The following STRN3 variants were observed in gnomAD, a reference collection of about 807,000 sequenced individuals.
STRN3 encodes the protein striatin 3.
In STRN3, 29 loss-of-function variants were observed where a neutral mutation model predicts 95.6. That is an observed-to-expected ratio of 0.30 (90% confidence interval 0.23 to 0.41). The LOEUF is 0.41. STRN3 is among the 10% of genes least tolerant of loss of function. The probability of loss-of-function intolerance (pLI) is 1.00; values close to 1 mark genes in which losing one functional copy is unlikely to be tolerated. For synonymous variants in STRN3, 331 were observed against 357.6 expected, an observed-to-expected ratio of 0.93 and a Z score of 0.84; for missense variants, 890 against 972.1, an observed-to-expected ratio of 0.92 and a Z score of 1.12.
intron 1 of STRN3, among the ~76,000 whole-genome samples, chr14:30,998,326 G>C (rs955555390): frequency 1.7e-4 from 26 of 152,280 alleles, no homozygotes; most frequent in African/African-American, 5.5e-4. Flanking sequence ...GATAATATTT[G>C]AGGCAAACAA....
intron 1 of STRN3, among the ~76,000 whole-genome samples, chr14:30,968,645 C>A (rs976340987): frequency 6.8e-6 from 1 of 147,732 alleles, no homozygotes; most frequent in African/African-American, 2.5e-5. Context: ...CACCACCGCA[C>A]TCCAGCCTGG....
intron 1 of STRN3, among the ~76,000 whole-genome samples, chr14:30,956,682 A>T (rs1451857285): frequency 6.6e-6 from 1 of 152,220 alleles, no homozygotes; most frequent in Non-Finnish European, 1.5e-5. Flanking sequence ...TAAGATCCCT[A>T]ATATTAATAT....
chr14:30,906,477 G>T (rs1040201740), intron 14 of STRN3, among the ~76,000 whole-genome samples: 1 of 152,058 alleles, frequency 6.6e-6, no homozygotes, highest in African/African-American at 2.4e-5. Flanking sequence ...CAGTGACTAT[G>T]GCTGGACTAC....
intron 5 of STRN3, among the ~76,000 whole-genome samples, chr14:30,946,483 G>A (rs1293274382): frequency 2.0e-5 from 3 of 152,168 alleles, no homozygotes; most frequent in Non-Finnish European, 4.4e-5. Flanking sequence ...GTCAGAGGCT[G>A]CCATGAGCCG....
rs756027470 is a variant in STRN3, at chr14:30,906,894, G to C, written c.1871C>G (p.Thr624Ser). The part of the protein sequence containing the change: ...NPQEKLPCIC[T>S]YNGDKKHGIP... ...TTACTTACTTTTATCTCCATTGTAA[G>C]TGCAAATACATGGCAATTTTTCTTG... is the stretch of plus-strand genomic sequence containing the variant. The change falls in exon 14 of 18, where the codon ACT becomes AGT. Residue 624 changes from threonine to serine, a missense_variant. Thr to Ser is a moderately conservative substitution (Grantham distance 58). Transcript: ENST00000357479. 6.2e-7 allele frequency: 1 copy of C among 1,611,754 alleles called. No homozygotes were observed. The highest frequency in any genetic ancestry group is 1.1e-5 in the South Asian group (1 of 90,480).
chr14:30,958,105 G>GAA (rs1289857222), intron 1 of STRN3, among the ~76,000 whole-genome samples: 2 of 152,168 alleles, frequency 1.3e-5, no homozygotes, highest in East Asian at 3.9e-4. Flanking sequence ...AACAGCTACA[G>GAA]AGTTCATGAC....
At chr14:31,003,020 T>C (rs1200868794) in intron 1 of STRN3, among the ~76,000 whole-genome samples, 1 of 151,986 alleles carries the variant, frequency 6.6e-6, no homozygotes, top group Non-Finnish European at 1.5e-5. Flanking sequence ...TCCCAGCACT[T>C]TGGGAGGCCG....
At chr14:30,919,228 G>A (rs993897855) in intron 8 of STRN3, 122 bp from the exon 9 acceptor site, 1 of 1,028,712 alleles carries the variant, frequency 9.7e-7, no homozygotes, top group Non-Finnish European at 1.4e-6. Flanking sequence ...TAAAATATCA[G>A]AAAATTAAAG....
chr14:30,898,866 T>A (rs775099984), intron 16 of STRN3, among the ~76,000 whole-genome samples: 13 of 152,228 alleles, frequency 8.5e-5, no homozygotes, highest in Non-Finnish European at 1.8e-4. Context: ...TGTGGGCCTC[T>A]ATTAAATGGA....
At chr14:30,924,218 A>C (rs985101558) in intron 8 of STRN3, among the ~76,000 whole-genome samples, 26 of 71,388 alleles carry the variant, frequency 3.6e-4, no homozygotes, top group Admixed American at 9.7e-4. Flanking sequence ...TACTCAAAAA[A>C]AAAAAAACAA....
rs769104715 is a variant in STRN3, at chr14:30,919,078, C to G, written c.1128G>C (p.Met376Ile). The change falls in exon 9 of 18, where the codon ATG becomes ATC. Residue 376 changes from methionine (M) to isoleucine (I), a missense_variant. By Grantham distance (10) the Met-to-Ile change is conservative (BLOSUM62 1). Coordinates refer to ENST00000357479, the MANE Select transcript of STRN3 (RefSeq NM_001083893.2). The part of the protein sequence containing the change: ...KRANRTKLYD[M>I]IADLGDDELP... ...GCTCATCATCTCCCAGATCAGCTAT[C>G]ATGTCGTAGAGTTTTGTCCTGTTGG... 1 of 1,610,228 alleles carries G rather than the reference C, an allele frequency of 6.2e-7. No individual in the cohort carries two copies. Among genetic ancestry groups the G allele is most frequent in the Admixed American group, 1.7e-5 (1 of 59,804 alleles).
chr14:31,004,078 A>G (rs1404139830), intron 1 of STRN3, among the ~76,000 whole-genome samples: 1 of 152,000 alleles, frequency 6.6e-6, no homozygotes, highest in Non-Finnish European at 1.5e-5. Flanking sequence ...GAGCCCAAGC[A>G]TTCGAGACCA....
At chr14:30,932,286 T>C (rs775579007) in intron 7 of STRN3, 1 of 151,704 alleles carries the variant, frequency 6.6e-6, no homozygotes, top group South Asian at 2.1e-4. Context: ...AAAAAAAAAA[T>C]CTGAAAGCTA....
chr14:30,904,259 CAA>C (rs1226905810), intron 15 of STRN3, among the ~76,000 whole-genome samples: 2 of 152,094 alleles, frequency 1.3e-5, no homozygotes, highest in Non-Finnish European at 2.9e-5. Flanking sequence ...CAACAACAAC[CAA>C]AGTCATGGCA....
At chr14:30,957,925 T>G (rs112706605) in intron 1 of STRN3, among the ~76,000 whole-genome samples, 32 of 152,336 alleles carry the variant, frequency 2.1e-4, no homozygotes, top group Non-Finnish European at 4.0e-4. Context: ...ACTTTAGTTA[T>G]GATGTGTTCA....
intron 1 of STRN3, among the ~76,000 whole-genome samples, chr14:31,002,771 G>A (rs1882528391): frequency 2.0e-5 from 3 of 152,118 alleles, no homozygotes; most frequent in South Asian, 2.1e-4. Context: ...ACTTATGTAA[G>A]GTACCTAGAG....
chr14:30,994,651 G>A (rs993474045), intron 1 of STRN3, among the ~76,000 whole-genome samples: 2 of 151,768 alleles, frequency 1.3e-5, no homozygotes, highest in African/African-American at 2.4e-5. Flanking sequence ...AATTTAACAA[G>A]TTACACTTTA....
intron 1 of STRN3, among the ~76,000 whole-genome samples, chr14:31,013,938 T>C (rs781602598): frequency 3.3e-5 from 5 of 149,918 alleles, no homozygotes; most frequent in Non-Finnish European, 4.4e-5. Flanking sequence ...AGTGTCAGTC[T>C]ATTGACCAGA....
chr14:30,977,629 CAA>C (rs558862269), intron 1 of STRN3, among the ~76,000 whole-genome samples: 8 of 132,372 alleles, frequency 6.0e-5, no homozygotes, highest in Admixed American at 7.5e-5. Context: ...ACTAAAAATA[CAA>C]AAAAAAAAAA....
Sources: gnomAD v4.1 joint callset for allele counts (sites outside exome capture counted in the v4.1 genomes callset) on GRCh38, gnomAD v4.1.1 for gene constraint, MANE v1.5 for transcripts, NCBI Gene and HGNC (gene_info 2026-07-23, HGNC 2026-07-21) for gene names.